The following NBPF11 variants were observed in gnomAD, a reference collection of about 807,000 sequenced individuals.
NBPF11 encodes the protein NBPF family member NBPF11.
NBPF11 carries 72 observed loss-of-function variants against 93.9 expected under a neutral mutation model. The observed-to-expected ratio is 0.77, with a 90% CI of 0.63 to 0.93. NBPF11 has a LOEUF of 0.93. Ranked by LOEUF, NBPF11 falls within the 40% of genes least tolerant of loss-of-function variation. The pLI, the probability that NBPF11 is intolerant of heterozygous loss-of-function variation, is 0.00. For missense variants in NBPF11, 705 were observed against 802.2 expected (o/e 0.88, Z 1.46); for synonymous variants, 224 against 304.9 (o/e 0.73, Z 2.76).
intron 4 of NBPF11, among the ~76,000 whole-genome samples, chr1:148,131,038 G>T (rs1206606380): frequency 6.6e-6 from 1 of 151,052 alleles, no homozygotes; most frequent in Non-Finnish European, 1.5e-5. Flanking sequence ...ATCATTCCAC[G>T]TTTGGGCTAT....
At chr1:148,149,829 G>A (rs1168323990) in intron 1 of NBPF11, among the ~76,000 whole-genome samples, 1 of 150,390 alleles carries the variant, frequency 6.6e-6, no homozygotes, top group Non-Finnish European at 1.5e-5. Context: ...CATAAAAGAG[G>A]ACATATAAAT....
chr1:148,121,245 T>C (rs1392471650), intron 9 of NBPF11, among the ~76,000 whole-genome samples: 1 of 151,750 alleles, frequency 6.6e-6, no homozygotes, highest in Non-Finnish European at 1.5e-5. Context: ...GGTTTCGCCA[T>C]CTTGGACAGG....
chr1:148,120,821 T>A (rs3992674), intron 9 of NBPF11, 111 bp from the exon 10 acceptor site: 46 of 873,930 alleles, frequency 5.3e-5, no homozygotes, highest in Non-Finnish European at 8.4e-5. Context: ...TTTGAAGATG[T>A]TGTTTCCCTG....
chr1:148,134,033 C>T (rs2746834), intron 4 of NBPF11, among the ~76,000 whole-genome samples: 5,812 of 106,892 alleles, frequency 0.054, 1 homozygote, highest in Admixed American at 0.092. Flanking sequence ...TCTTCCAGAA[C>T]CCTGTTGTTC....
chr1:148,142,228 C>A (rs1313153900), intron 2 of NBPF11, among the ~76,000 whole-genome samples: 4 of 151,822 alleles, frequency 2.6e-5, no homozygotes, highest in Non-Finnish European at 5.9e-5. Context: ...TCCAGGGGAA[C>A]TTACACCACC....
chr1:148,126,244 C>G (rs1669081434), intron 5 of NBPF11, among the ~76,000 whole-genome samples: 1 of 151,984 alleles, frequency 6.6e-6, no homozygotes, highest in South Asian at 2.1e-4. Flanking sequence ...CGTCCTCTGC[C>G]CGCCTCAGCC....
chr1:148,137,311 C>T (rs1295456183), intron 3 of NBPF11, among the ~76,000 whole-genome samples: 1 of 151,212 alleles, frequency 6.6e-6, no homozygotes, highest in African/African-American at 2.5e-5. Flanking sequence ...GAGGAAAGCA[C>T]GTGGCCTCTG....
chr1:148,128,984 C>A (rs1464704710), intron 4 of NBPF11, among the ~76,000 whole-genome samples: 10 of 148,136 alleles, frequency 6.8e-5, no homozygotes, highest in Non-Finnish European at 1.3e-4. Flanking sequence ...GAACATCACA[C>A]ACCAGGGCCT....
chr1:148,110,962 GATATA>G (rs1379545888), intron 15 of NBPF11, among the ~76,000 whole-genome samples: 1 of 151,684 alleles, frequency 6.6e-6, no homozygotes, highest in Non-Finnish European at 1.5e-5. Context: ...CCAATATTTT[GATATA>G]ATATATTTAC....
chr1:148,107,650 C>G, intron 19 of NBPF11, 61 bp downstream of exon 19: 1 of 1,015,614 alleles, frequency 9.8e-7, no homozygotes, highest in Non-Finnish European at 1.6e-6. Flanking sequence ...CTTGTTTTCC[C>G]TGGACCTGGC....
intron 22 of NBPF11, 75 bp downstream of exon 22, chr1:148,105,285 C>A (rs1663268640): frequency 1.0e-5 from 7 of 696,832 alleles, no homozygotes; most frequent in Non-Finnish European, 1.5e-5. Context: ...TCAGTAATGG[C>A]CACTTGGAGC....
At chr1:148,149,212 G>T (rs1418517976) in intron 1 of NBPF11, 2 of 1,547,990 alleles carry the variant, frequency 1.3e-6, no homozygotes, top group Non-Finnish European at 1.7e-6. Context: ...GCATCGGCAC[G>T]GTGCCCACCA....
intron 2 of NBPF11, among the ~76,000 whole-genome samples, chr1:148,141,785 C>T (rs1165173433): frequency 6.6e-6 from 1 of 151,616 alleles, no homozygotes; most frequent in South Asian, 2.1e-4. Context: ...CCCAGTGGCA[C>T]CCACAAATCA....
At chr1:148,146,136 C>T (rs1265858769) in intron 1 of NBPF11, among the ~76,000 whole-genome samples, 2 of 151,738 alleles carry the variant, frequency 1.3e-5, no homozygotes, top group Admixed American at 6.6e-5. Flanking sequence ...GGCCCTGGGG[C>T]CCGGGGGCGC....
rs1261916978 is a variant in NBPF11 at position 148,106,831 on chromosome 1, T to A, written c.2251+111A>T. The A allele has an allele frequency of 8.9e-6, 7 of 788,150 alleles. 1 individual carries two copies. Among genetic ancestry groups the A allele is most frequent in the African/African-American group, 7.4e-5 (4 of 54,406 alleles). 48.8% of individuals were successfully genotyped at this position (788,150 alleles called of 1,614,324 possible). ...ACAACCTATATGCACCCATAGGTCC[T>A]GCCTGTGGCAATGAAGTCTCTCGGG... On this transcript the variant is annotated intron_variant, in intron 20 of 23. Transcript: ENST00000682118.
chr1:148,139,281 G>A (rs1212846306), intron 2 of NBPF11, among the ~76,000 whole-genome samples: 11 of 147,628 alleles, frequency 7.5e-5, no homozygotes, highest in African/African-American at 2.3e-4. Context: ...GCCATAAACA[G>A]GACTACTATT....
intron 1 of NBPF11, among the ~76,000 whole-genome samples, chr1:148,147,346 T>C (rs1301892383): frequency 6.6e-6 from 1 of 152,008 alleles, no homozygotes; most frequent in Non-Finnish European, 1.5e-5. Flanking sequence ...GACTGGCCCA[T>C]GAGGCCCTGT....
intron 2 of NBPF11, among the ~76,000 whole-genome samples, chr1:148,141,582 G>A (rs1672175881): frequency 2.6e-5 from 4 of 151,974 alleles, no homozygotes; most frequent in Non-Finnish European, 5.9e-5. Context: ...TGGAGTCAGA[G>A]CAGTTGGAGA....
chr1:148,149,767 C>A, intron 1 of NBPF11, among the ~76,000 whole-genome samples: 1 of 143,160 alleles, frequency 7.0e-6, no homozygotes. Flanking sequence ...TACGTGAAAA[C>A]GGAAATTAAA....
Sources: gnomAD v4.1 joint callset for allele counts (sites outside exome capture counted in the v4.1 genomes callset) on GRCh38, gnomAD v4.1.1 for gene constraint, MANE v1.5 for transcripts, NCBI Gene and HGNC (gene_info 2026-07-23, HGNC 2026-07-21) for gene names.